The following HSPB8 variants were observed in gnomAD, a reference collection of about 807,000 sequenced individuals.
HSPB8 encodes the protein heat shock protein beta-8.
A neutral mutation model predicts 16.5 loss-of-function variants in HSPB8; 9 were observed. That is an observed-to-expected ratio of 0.55 (90% CI 0.33 to 0.95). The LOEUF (loss-of-function observed/expected upper bound fraction) is 0.95. HSPB8 is among the 40% of genes least tolerant of loss of function. The pLI is 0.03. For missense variants in HSPB8, 238 were observed against 251.2 expected (o/e 0.95, Z 0.35); for synonymous variants, 99 against 94.8 (o/e 1.04, Z -0.26).
Position 119,178,984 on chromosome 12 carries a change from T to A in HSPB8, c.-329T>A. On this transcript the variant is annotated 5_prime_UTR_variant, in exon 1 of 3. Coordinates refer to ENST00000281938, the MANE Select transcript of HSPB8 (RefSeq NM_014365.3). ...GGGTTTATTAAGCTCCTGGCTCCGCTCTAGACCTCAGCGGTTCTGGCTGCC... is the reference window on the plus strand; with the variant it reads ...GGGTTTATTAAGCTCCTGGCTCCGCACTAGACCTCAGCGGTTCTGGCTGCC... The A allele has an allele frequency of 2.2e-6, 1 of 452,266 alleles. No homozygotes were observed. Among genetic ancestry groups the A allele is most frequent in the East Asian group, 4.6e-5 (1 of 21,662 alleles). The allele number at this position is 452,266 out of a possible 1,614,324, so 28.0% of individuals were successfully genotyped here.
intron 2 of HSPB8, among the ~76,000 whole-genome samples, chr12:119,189,302 G>GGTGTGTGTGTGTGT (rs60310566): frequency 1.1e-3 from 155 of 143,404 alleles, no homozygotes; most frequent in Non-Finnish European, 1.2e-3. Context: ...TCTTAAAAGG[G>GGTGTGTGTGTGTGT]GTGTGTGTGT....
Position 119,179,453 on chromosome 12 carries a change from T to C in HSPB8, c.141T>C (p.Ser47=). The C allele has an allele frequency of 6.2e-7, 1 of 1,614,114 alleles. No homozygotes were observed. Among genetic ancestry groups the C allele is most frequent in the African/African-American group, 1.3e-5 (1 of 75,050 alleles). Residue 47 remains serine (S), a synonymous_variant, in exon 1 of 3, where the codon TCT becomes TCC. Coordinates refer to ENST00000281938, the MANE Select transcript of HSPB8 (RefSeq NM_014365.3). The part of the protein sequence containing the change: ...MDPFPDDLTA[S]WPDWALPRLS... ...CCTTCCCAGACGACTTGACAGCCTC[T>C]TGGCCCGACTGGGCTCTGCCTCGTC...
At position 119,187,012 on chromosome 12, in the gene HSPB8, T is replaced by G; in HGVS notation, c.368-13T>G. 1 of 1,613,802 alleles carries G rather than the reference T, an allele frequency of 6.2e-7. No individual in the cohort carries two copies. Among genetic ancestry groups the G allele is most frequent in the Non-Finnish European group, 8.5e-7 (1 of 1,179,760 alleles). On this transcript the variant is annotated splice_polypyrimidine_tract_variant and intron_variant, in intron 1 of 2. Transcript: ENST00000281938. ...ACATAGATGCTGACACGCCACACTTTTCTTCCTTCCAGGCAAACATGAAGA... is the reference window on the plus strand; with the variant it reads ...ACATAGATGCTGACACGCCACACTTGTCTTCCTTCCAGGCAAACATGAAGA...
intron 1 of HSPB8, 70 bp from the exon 2 acceptor site, chr12:119,186,955 C>T: frequency 6.8e-7 from 1 of 1,464,384 alleles, no homozygotes; most frequent in Non-Finnish European, 9.6e-7. Context: ...AGGATTTGAA[C>T]CCAAGCCTCA....
chr12:119,190,106 G>A (rs1359160841), intron 2 of HSPB8, among the ~76,000 whole-genome samples: 1 of 152,164 alleles, frequency 6.6e-6, no homozygotes, highest in Non-Finnish European at 1.5e-5. Flanking sequence ...GTGAGAGGAT[G>A]TGTATAACGC....
chr12:119,179,090 A>G lies in HSPB8; in HGVS notation c.-223A>G. On this transcript the variant is annotated 5_prime_UTR_variant, in exon 1 of 3. Coordinates refer to ENST00000281938, the MANE Select transcript of HSPB8 (RefSeq NM_014365.3). ...GCAGTGCGGACGGGGACCCTCTGGGATTCTGCTGGATCTGCCCCGGGGGTT... is the reference window on the plus strand; with the variant it reads ...GCAGTGCGGACGGGGACCCTCTGGGGTTCTGCTGGATCTGCCCCGGGGGTT... The G allele has an allele frequency of 1.6e-6, 1 of 615,294 alleles. No individual in the cohort carries two copies. Among genetic ancestry groups the G allele is most frequent in the Non-Finnish European group, 2.9e-6 (1 of 341,878 alleles). The allele number at this position is 615,294 out of a possible 1,614,324, so 38.1% of individuals were successfully genotyped here. A position where few individuals can be genotyped will look rare whatever the true frequency, so the allele number is the denominator to read the frequency against.
Position 119,193,933 on chromosome 12 carries a change from C to A in HSPB8, c.*75C>A. ...CTGATTCCAGGATACATTACTTTAG[C>A]TGAACTCAGATTTAGTGCAAGTAAA... On this transcript the variant is annotated 3_prime_UTR_variant, in exon 3 of 3. Transcript: ENST00000281938. 1 of 1,512,600 alleles carries A rather than the reference C, an allele frequency of 6.6e-7. No homozygotes were observed. The highest frequency in any genetic ancestry group is 9.2e-7 in the Non-Finnish European group (1 of 1,089,542). 93.7% of individuals were successfully genotyped at this position (1,512,600 alleles called of 1,614,324 possible).
intron 2 of HSPB8, among the ~76,000 whole-genome samples, chr12:119,190,863 G>A (rs1357172778): frequency 6.6e-6 from 1 of 152,234 alleles, no homozygotes; most frequent in Non-Finnish European, 1.5e-5. Flanking sequence ...AGGCATGTTA[G>A]TACTTAGCAG....
intron 2 of HSPB8, among the ~76,000 whole-genome samples, chr12:119,189,764 G>A (rs893730455): frequency 3.3e-5 from 5 of 152,122 alleles, no homozygotes; most frequent in African/African-American, 9.7e-5. Flanking sequence ...TCCATGATCC[G>A]GGGGATGGGG....
intron 2 of HSPB8, among the ~76,000 whole-genome samples, chr12:119,193,170 C>G (rs560712985): frequency 6.6e-6 from 1 of 152,172 alleles, no homozygotes. Flanking sequence ...CTTTTATCCA[C>G]CAAGGTACCT....
In HSPB8 at chr12:119,179,330, G is replaced by T; in HGVS notation, c.18G>T (p.Met6Ile). Residue 6 changes from methionine (M) to isoleucine (I), a missense_variant, in exon 1 of 3, where the codon ATG (methionine) becomes ATT (isoleucine). Coordinates refer to ENST00000281938, the MANE Select transcript of HSPB8 (RefSeq NM_014365.3). ...CAGCCACCATGGCTGACGGTCAGAT[G>T]CCCTTCTCCTGCCACTACCCAAGCC... MADGQ[M>I]PFSCHYPSRL... The T allele has an allele frequency of 6.2e-7, 1 of 1,613,810 alleles. No individual in the cohort carries two copies.
At chr12:119,192,172 A>G (rs1438107034) in intron 2 of HSPB8, among the ~76,000 whole-genome samples, 1 of 152,212 alleles carries the variant, frequency 6.6e-6, no homozygotes, top group African/African-American at 2.4e-5. Context: ...TCATAAAAAT[A>G]CCTTATTAGA....
In HSPB8 at chr12:119,178,962, T is replaced by TA; in HGVS notation, c.-351_-350insA. ...AGTTTCTAGGCGCGCGTGCCCTGGG[T>TA]TTATTAAGCTCCTGGCTCCGCTCTA... On this transcript the variant is annotated 5_prime_UTR_variant, in exon 1 of 3. Transcript: ENST00000281938. 2.7e-6 allele frequency: 1 copy of TA among 363,662 alleles called. No homozygotes were observed. Among genetic ancestry groups the TA allele is most frequent in the South Asian group, 2.9e-5 (1 of 34,730 alleles). The allele number at this position is 363,662 out of a possible 1,614,324, so 22.5% of individuals were successfully genotyped here.
chr12:119,178,976 G>A lies in HSPB8; in HGVS notation c.-337G>A. On this transcript the variant is annotated 5_prime_UTR_variant, in exon 1 of 3. Transcript: ENST00000281938. ...CGTGCCCTGGGTTTATTAAGCTCCT[G>A]GCTCCGCTCTAGACCTCAGCGGTTC... The A allele has an allele frequency of 2.4e-6, 1 of 413,790 alleles. No individual in the cohort carries two copies. Among genetic ancestry groups the A allele is most frequent in the South Asian group, 2.5e-5 (1 of 40,752 alleles). The allele number at this position is 413,790 out of a possible 1,614,324, so 25.6% of individuals were successfully genotyped here.
intron 1 of HSPB8, among the ~76,000 whole-genome samples, chr12:119,182,356 G>A (rs181226277): frequency 2.3e-4 from 35 of 152,198 alleles, no homozygotes; most frequent in Admixed American, 5.9e-4. Context: ...AGCAACTTTC[G>A]GGCCGGGTGC....
chr12:119,193,433 C>T (rs1954724320), intron 2 of HSPB8, among the ~76,000 whole-genome samples: 1 of 152,142 alleles, frequency 6.6e-6, no homozygotes, highest in Non-Finnish European at 1.5e-5. Context: ...TTACCATTTG[C>T]AAAGCATACT....
chr12:119,188,258 T>TC (rs1325233349), intron 2 of HSPB8, among the ~76,000 whole-genome samples: 10 of 150,948 alleles, frequency 6.6e-5, no homozygotes, highest in African/African-American at 2.4e-4. Context: ...TTTTTTTTTT[T>TC]TTTTTTGAGA....
At chr12:119,188,575 C>A (rs1954691807) in intron 2 of HSPB8, among the ~76,000 whole-genome samples, 1 of 152,156 alleles carries the variant, frequency 6.6e-6, no homozygotes, top group Admixed American at 6.6e-5. Context: ...GCCATCGTTG[C>A]ATTTAGCCTT....
intron 1 of HSPB8, among the ~76,000 whole-genome samples, chr12:119,185,074 ATAT>A (rs1954666244): frequency 6.6e-6 from 1 of 152,074 alleles, no homozygotes; most frequent in Non-Finnish European, 1.5e-5. Context: ...CATATAAAAG[ATAT>A]TATTAATAGC....
Sources: gnomAD v4.1 joint callset for allele counts (sites outside exome capture counted in the v4.1 genomes callset) on GRCh38, gnomAD v4.1.1 for gene constraint, MANE v1.5 for transcripts, NCBI Gene and HGNC (gene_info 2026-07-23, HGNC 2026-07-21) for gene names.